Variants in CD22 observed in about 807,000 individuals in gnomAD.
CD22 encodes B-cell receptor CD22.
CD22 carries 51 observed loss-of-function variants against 94.7 expected under a neutral mutation model. That is an observed-to-expected ratio of 0.54 (90% confidence interval 0.43 to 0.68). The LOEUF is 0.68. Ranked by LOEUF, CD22 falls within the 30% of genes least tolerant of loss-of-function variation. CD22 has a pLI of 0.00. For synonymous variants in CD22, 424 were observed against 422.5 expected, an observed-to-expected ratio of 1.00 and a Z score of -0.04; for missense variants, 931 against 1,060.4, an observed-to-expected ratio of 0.88 and a Z score of 1.69.
chr19:35,333,212 A>G, intron 3 of CD22: 1 of 429,334 alleles, frequency 2.3e-6, no homozygotes, highest in South Asian at 3.6e-5. Context: ...CTTTTGTGAC[A>G]AACTCGTGTT....
Position 35,346,612 on chromosome 19 carries a change from T to C in CD22, c.2459T>C (p.Ile820Thr), listed in dbSNP as rs1192702518. 1 of 1,606,562 alleles carries C rather than the reference T, an allele frequency of 6.2e-7. No homozygotes were observed. The highest frequency in any genetic ancestry group is 1.1e-5 in the South Asian group (1 of 89,712). The change falls in exon 14 of 14, where the codon ATT (isoleucine) becomes ACT (threonine). Residue 820 changes from isoleucine to threonine, a missense_variant. Physicochemically the swap from Ile to Thr is moderately conservative, Grantham distance 89 (BLOSUM62 -1). Transcript: ENST00000085219. ...VIPDFPEDEGIHYSELIQFGV... is the reference protein window; with the variant it reads ...VIPDFPEDEGTHYSELIQFGV... ...CCAGATTTTCCAGAAGATGAGGGGA[T>C]TCATTACTCAGAGCTGATCCAGTTT...
chr19:35,344,779 A>G (rs2066875309), intron 9 of CD22, 50 bp from the exon 10 acceptor site: 2 of 1,382,910 alleles, frequency 1.4e-6, no homozygotes, highest in South Asian at 2.6e-5. Context: ...AAAGGCTGCC[A>G]GGGAGAGCTG....
chr19:35,342,053 CCTTTCTTT>C, intron 9 of CD22, 88 bp downstream of exon 9: 3 of 922,802 alleles, frequency 3.3e-6, no homozygotes, highest in South Asian at 2.0e-5. Flanking sequence ...TTCCTTCCTT[CCTTTCTTT>C]CTCTCTTTCT....
At chr19:35,342,101 C>T in intron 9 of CD22, 136 bp downstream of exon 9, 1 of 734,700 alleles carries the variant, frequency 1.4e-6, no homozygotes, top group Non-Finnish European at 2.2e-6. Context: ...CCCTCCTCCT[C>T]CTCTTCCTCC....
chr19:35,339,538 CTGAG>C (rs1041932958), intron 6 of CD22, among the ~76,000 whole-genome samples: 13 of 151,616 alleles, frequency 8.6e-5, no homozygotes, highest in Non-Finnish European at 1.6e-4. Context: ...GCCTGGGTGA[CTGAG>C]TGAGACCTTG....
At chr19:35,335,433 T>C (rs2066707632) in intron 3 of CD22, among the ~76,000 whole-genome samples, 1 of 152,050 alleles carries the variant, frequency 6.6e-6, no homozygotes. Flanking sequence ...GGCACATGCC[T>C]GTAGTCCCAG....
At chr19:35,336,968 G>A (rs1278934231) in intron 4 of CD22, among the ~76,000 whole-genome samples, 3 of 152,074 alleles carry the variant, frequency 2.0e-5, no homozygotes, top group African/African-American at 7.2e-5. Flanking sequence ...GGCCGGGTGC[G>A]GTGGCTCACG....
chr19:35,344,423 A>G (rs377749304), intron 9 of CD22, among the ~76,000 whole-genome samples: 1 of 152,206 alleles, frequency 6.6e-6, no homozygotes, highest in African/African-American at 2.4e-5. Context: ...TGCCCTCTTC[A>G]GGGCCTAGGT....
chr19:35,337,259 G>A lies in CD22; in HGVS notation c.719-496G>A, dbSNP rs986263453. On this transcript the variant is annotated intron_variant, in intron 4 of 13. Transcript: ENST00000085219. The surrounding 1 kb of genome is among the most constrained non-coding windows in gnomAD (Gnocchi z 4.4). ...TCTCAAAAAAAGAAAAAAAAAGAAG[G>A]TGAGCACTTAAGCTGACTGGAACGG... 2.6e-5 allele frequency among the ~76,000 whole-genome samples: 4 copies of A among 152,058 alleles called. No homozygotes were observed. Among genetic ancestry groups the A allele is most frequent in the African/African-American group, 9.7e-5 (4 of 41,412 alleles).
At chr19:35,333,815 A>G (rs1002452844) in intron 3 of CD22, among the ~76,000 whole-genome samples, 2 of 152,302 alleles carry the variant, frequency 1.3e-5, no homozygotes, top group Admixed American at 1.3e-4. Flanking sequence ...CTCTCAAAGC[A>G]TTAGGATTAC....
At chr19:35,331,298 C>T (rs2145644531) in intron 1 of CD22, among the ~76,000 whole-genome samples, 1 of 152,252 alleles carries the variant, frequency 6.6e-6, no homozygotes, top group South Asian at 2.1e-4. Flanking sequence ...ATGTCTGTCC[C>T]TGAGTATAAT....
chr19:35,342,116 T>C (rs927975294), intron 9 of CD22, 151 bp downstream of exon 9: 53 of 654,348 alleles, frequency 8.1e-5, no homozygotes, highest in Middle Eastern at 3.6e-4. Flanking sequence ...TCCTCCTTCT[T>C]CTTCTTCTTC....
chr19:35,345,067 A>C lies in CD22; in HGVS notation c.2149A>C (p.Ser717Arg). ...ATTTCTCAGTTGGAAGAGGACACAGAGCCAGCAGGGGCTTCAGGAGAATTC... is the reference window on the plus strand; with the variant it reads ...ATTTCTCAGTTGGAAGAGGACACAGCGCCAGCAGGGGCTTCAGGAGAATTC... ...KLQRRWKRTQSQQGLQENSSG... is the reference protein window; with the variant it reads ...KLQRRWKRTQRQQGLQENSSG... The change falls in exon 11 of 14, where the codon AGC (serine) becomes CGC (arginine). Residue 717 changes from serine (S) to arginine (R), a missense_variant. Transcript: ENST00000085219. 6.2e-7 allele frequency: 1 copy of C among 1,614,104 alleles called. No individual in the cohort carries two copies. The highest frequency in any genetic ancestry group is 8.5e-7 in the Non-Finnish European group (1 of 1,179,996).
intron 3 of CD22, among the ~76,000 whole-genome samples, chr19:35,333,377 C>A (rs942419193): frequency 1.3e-5 from 2 of 152,140 alleles, no homozygotes; most frequent in Admixed American, 6.5e-5. Context: ...CTGCTCAGAG[C>A]TCCCTATAGA....
In CD22 at chr19:35,332,564, T is replaced by C; in HGVS notation, c.52T>C (p.Phe18Leu). The C allele has an allele frequency of 6.2e-7, 1 of 1,613,110 alleles. No individual in the cohort carries two copies. Among genetic ancestry groups the C allele is most frequent in the Non-Finnish European group, 8.5e-7 (1 of 1,179,590 alleles). The change falls in exon 3 of 14, where the codon TTC becomes CTC. Residue 18 changes from phenylalanine (F) to leucine (L), a missense_variant. Phe to Leu is a conservative substitution (Grantham distance 22, BLOSUM62 0). Transcript: ENST00000085219. ...GTGGTGAGTTCTAGAATACTTGGCT[T>C]TCTCTGACTCAAGTAAATGGGTTTT... ...LLLLVLEYLAFSDSSKWVFEH... is the reference protein window; with the variant it reads ...LLLLVLEYLALSDSSKWVFEH...
intron 4 of CD22, among the ~76,000 whole-genome samples, chr19:35,336,956 T>G (rs993190858): frequency 1.3e-5 from 2 of 152,156 alleles, no homozygotes; most frequent in African/African-American, 4.8e-5. Context: ...GGTGAGCACT[T>G]AGGCCGGGTG....
intron 3 of CD22, 138 bp downstream of exon 3, chr19:35,333,062 C>T (rs2066668216): frequency 6.6e-5 from 56 of 848,116 alleles, no homozygotes; most frequent in Non-Finnish European, 1.0e-4. Flanking sequence ...ATGACGATGG[C>T]GATGCAGCAG....
At position 35,347,117 on chromosome 19, in the gene CD22, C is replaced by CA. The variant is rs1486514082; in HGVS notation, c.*421dup. ...CTACCCCTGATCTGACATCCCCACT[C>CA]ACGAATATTATGCCCAGTTTCTGCC... On this transcript the variant is annotated 3_prime_UTR_variant, in exon 14 of 14. Transcript: ENST00000085219. 1 of 160,970 alleles carries CA rather than the reference C, an allele frequency of 6.2e-6. No individual in the cohort carries two copies. The highest frequency in any genetic ancestry group is 1.4e-5 in the Non-Finnish European group (1 of 73,004). The allele number at this position is 160,970 out of a possible 1,614,324, so 10.0% of individuals were successfully genotyped here.
Position 35,337,063 on chromosome 19 carries a change from C to A in CD22, c.719-692C>A, listed in dbSNP as rs2066735717. On this transcript the variant is annotated intron_variant, in intron 4 of 13. Coordinates refer to ENST00000085219, the MANE Select transcript of CD22 (RefSeq NM_001771.4). The surrounding 1 kb of genome is among the most constrained non-coding windows in gnomAD (Gnocchi z 4.4). The stretch of plus-strand genomic sequence containing the variant: ...GACCATCCTGGCTAACATGGTGAAA[C>A]CCCATCTCTAGTAAAAATACAAAAA... Among the ~76,000 whole-genome samples, 1 of 151,966 alleles carries A rather than the reference C, an allele frequency of 6.6e-6. No individual in the cohort carries two copies. The highest frequency in any genetic ancestry group is 1.5e-5 in the Non-Finnish European group (1 of 67,996).
Sources: gnomAD v4.1 joint callset for allele counts (sites outside exome capture counted in the v4.1 genomes callset) on GRCh38, gnomAD v4.1.1 for gene constraint, Gnocchi (gnomAD v3.1) non-coding constraint, MANE v1.5 for transcripts, NCBI Gene and HGNC (gene_info 2026-07-23, HGNC 2026-07-21) for gene names.